Variants in SAMD3 observed in about 807,000 individuals in gnomAD.
SAMD3 encodes the protein sterile alpha motif domain-containing protein 3.
A neutral mutation model predicts 58.5 loss-of-function variants in SAMD3; 63 were observed. The ratio of observed to expected loss-of-function variants is 1.08; its 90% CI spans 0.88 to 1.33. The LOEUF is 1.33. SAMD3 is among the 40% of genes most tolerant of loss of function. The pLI, the probability that SAMD3 is intolerant of heterozygous loss-of-function variation, is 0.00. For missense variants in SAMD3, 604 were observed against 608.4 expected (o/e 0.99, Z 0.08); for synonymous variants, 220 against 210.3 (o/e 1.05, Z -0.40).
chr6:130,336,967 C>T (rs968613237), intron 1 of SAMD3, among the ~76,000 whole-genome samples: 18 of 152,154 alleles, frequency 1.2e-4, no homozygotes, highest in Admixed American at 1.1e-3. Flanking sequence ...AGATGCTTAA[C>T]GCCACCAGCA....
chr6:130,289,603 G>C (rs1178353587), intron 2 of SAMD3, among the ~76,000 whole-genome samples: 1 of 152,116 alleles, frequency 6.6e-6, no homozygotes, highest in Admixed American at 6.5e-5. Context: ...AGGTTCAAGT[G>C]ATTCCCCTGC....
intron 7 of SAMD3, among the ~76,000 whole-genome samples, chr6:130,182,022 G>A (rs1235855628): frequency 6.8e-6 from 1 of 146,808 alleles, no homozygotes; most frequent in Admixed American, 7.2e-5. Flanking sequence ...TCGAGATCGT[G>A]CCACTGCACT....
intron 1 of SAMD3, among the ~76,000 whole-genome samples, chr6:130,353,370 G>T (rs542376983): frequency 1.3e-5 from 2 of 152,258 alleles, no homozygotes; most frequent in African/African-American, 4.8e-5. Context: ...GAGCCTTCCA[G>T]GACATAAGCA....
At chr6:130,229,630 ACATCATGTTATGCTTCCATTATGG>A (rs1389506667) in intron 2 of SAMD3, among the ~76,000 whole-genome samples, 2 of 152,158 alleles carry the variant, frequency 1.3e-5, no homozygotes, top group Non-Finnish European at 2.9e-5. Flanking sequence ...GTGCACCATA[ACATCATGTTATGCTTCCATTATGG>A]CATTTGTCAC....
chr6:130,264,882 T>C (rs540822521), intron 2 of SAMD3, among the ~76,000 whole-genome samples: 13 of 152,178 alleles, frequency 8.5e-5, no homozygotes, highest in African/African-American at 2.9e-4. Context: ...AGTTGGAGTT[T>C]TAACCCAGAC....
intron 2 of SAMD3, among the ~76,000 whole-genome samples, chr6:130,258,513 C>T (rs780007284): frequency 1.1e-4 from 17 of 152,124 alleles, no homozygotes; most frequent in Admixed American, 1.1e-3. Flanking sequence ...GAGGTAAAAT[C>T]GGACACACAT....
intron 1 of SAMD3, among the ~76,000 whole-genome samples, chr6:130,219,967 T>A (rs1796150626): frequency 6.6e-6 from 1 of 152,218 alleles, no homozygotes; most frequent in Non-Finnish European, 1.5e-5. Flanking sequence ...GTGAGCACAG[T>A]CATAGTAACT....
At chr6:130,283,366 A>G (rs7766039) in intron 2 of SAMD3, among the ~76,000 whole-genome samples, 48,392 of 152,074 alleles carry the variant, frequency 0.32, 7,931 homozygotes, top group East Asian at 0.47. Flanking sequence ...TCCAGAATGT[A>G]TGAAATATAT....
chr6:130,196,096 G>A (rs1794081179), intron 5 of SAMD3, among the ~76,000 whole-genome samples: 3 of 152,028 alleles, frequency 2.0e-5, no homozygotes, highest in Admixed American at 2.0e-4. Context: ...ATTTTTACAG[G>A]ACTGGGATCG....
intron 2 of SAMD3, among the ~76,000 whole-genome samples, chr6:130,235,106 C>A (rs535929568): frequency 6.6e-6 from 1 of 151,992 alleles, no homozygotes; most frequent in African/African-American, 2.4e-5. Context: ...CAGAGCATAA[C>A]CCTGTCTCAA....
Position 130,144,486 on chromosome 6 carries a change from A to C in SAMD3, c.*34T>G. On this transcript the variant is annotated 3_prime_UTR_variant, in exon 12 of 12. Coordinates refer to ENST00000439090, the MANE Select transcript of SAMD3 (RefSeq NM_001017373.4). ...TTTCTTATGAAGCTTCAGTTTTCCCAGAGGTAAATTCCAGTACAATATTTG... is the reference window on the plus strand; with the variant it reads ...TTTCTTATGAAGCTTCAGTTTTCCCCGAGGTAAATTCCAGTACAATATTTG... 1 of 1,585,818 alleles carries C rather than the reference A, an allele frequency of 6.3e-7. No homozygotes were observed. The highest frequency in any genetic ancestry group is 8.6e-7 in the Non-Finnish European group (1 of 1,166,294).
At chr6:130,264,635 C>T (rs1302030258) in intron 2 of SAMD3, among the ~76,000 whole-genome samples, 2 of 152,064 alleles carry the variant, frequency 1.3e-5, no homozygotes, top group Admixed American at 1.3e-4. Context: ...CAATTGGAGC[C>T]CTGCAAGGAA....
chr6:130,314,291 A>G (rs1282852110), intron 1 of SAMD3, among the ~76,000 whole-genome samples: 3 of 152,228 alleles, frequency 2.0e-5, no homozygotes, highest in South Asian at 4.1e-4. Context: ...TTTGAAACTA[A>G]CAATATAGCC....
intron 5 of SAMD3, among the ~76,000 whole-genome samples, chr6:130,194,461 C>A (rs905963244): frequency 6.6e-6 from 1 of 152,202 alleles, no homozygotes; most frequent in Non-Finnish European, 1.5e-5. Context: ...ATTAACCTCA[C>A]CTTCAAGGTG....
chr6:130,183,987 A>G lies in SAMD3; in HGVS notation c.654+116T>C. 1.1e-5 allele frequency: 8 copies of G among 713,822 alleles called. No individual in the cohort carries two copies. The South Asian group carries it at 1.1e-4, about 10-fold the overall frequency. The allele number at this position is 713,822 out of a possible 1,614,324, so 44.2% of individuals were successfully genotyped here. On this transcript the variant is annotated intron_variant, in intron 7 of 11. Transcript: ENST00000439090. ...GACCTAGATACATAGACAGAATGAG[A>G]GAGAGAGAGAGAGACACCAAGAAAA...
At chr6:130,347,283 T>A (rs1002559372) in intron 1 of SAMD3, among the ~76,000 whole-genome samples, 1 of 151,784 alleles carries the variant, frequency 6.6e-6, no homozygotes. Flanking sequence ...TACTCCAAGC[T>A]AAAGGAGGAA....
rs560192855 is a variant in SAMD3, at chr6:130,145,504, AT to A, written c.1196-83del. ...GCTAAGCTAGTATTGAAACATCTGGATTTTTTGTTACCTTGGACAGAAAACA... is the reference window on the plus strand; with the variant it reads ...GCTAAGCTAGTATTGAAACATCTGGATTTTTGTTACCTTGGACAGAAAACA... On this transcript the variant is annotated intron_variant, in intron 10 of 11. Coordinates refer to ENST00000439090, the MANE Select transcript of SAMD3 (RefSeq NM_001017373.4). 2.2e-4 allele frequency: 196 copies of A among 911,512 alleles called. No individual in the cohort carries two copies. The African/African-American group carries it at 3.0e-3, about 14-fold the overall frequency. 56.5% of individuals were successfully genotyped at this position (911,512 alleles called of 1,614,324 possible). A position where few individuals can be genotyped will look rare whatever the true frequency, so the allele number is the denominator to read the frequency against.
At chr6:130,306,306 A>G (rs1180670420) in intron 2 of SAMD3, among the ~76,000 whole-genome samples, 1 of 152,258 alleles carries the variant, frequency 6.6e-6, no homozygotes, top group Non-Finnish European at 1.5e-5. Context: ...AAAACAGGAA[A>G]TTAAATTTAT....
intron 2 of SAMD3, among the ~76,000 whole-genome samples, chr6:130,261,160 G>C (rs1192224860): frequency 6.8e-6 from 1 of 147,330 alleles, no homozygotes; most frequent in Admixed American, 6.8e-5. Context: ...TACTCCATTT[G>C]AGTGGAAGCG....
Sources: allele counts gnomAD v4.1 joint callset (sites outside exome capture counted in the v4.1 genomes callset), GRCh38; gene constraint gnomAD v4.1.1; transcripts MANE v1.5; gene names NCBI Gene and HGNC (gene_info 2026-07-23, HGNC 2026-07-21).